The following MAST4 variants were observed in gnomAD, a reference collection of about 807,000 sequenced individuals.
MAST4 encodes the protein microtubule-associated serine/threonine-protein kinase 4.
MAST4 carries 89 observed loss-of-function variants against 162.7 expected under a neutral mutation model. The ratio of observed to expected loss-of-function variants is 0.55; its 90% confidence interval spans 0.46 to 0.65. MAST4 has a LOEUF of 0.65. Ranked by LOEUF, MAST4 falls within the 30% of genes least tolerant of loss-of-function variation. MAST4 has a pLI of 0.00. For missense variants in MAST4, 3,153 were observed against 3,374.0 expected, an observed-to-expected ratio of 0.93 and a Z score of 1.62; for synonymous variants, 1,479 against 1,361.1, an observed-to-expected ratio of 1.09 and a Z score of -1.91.
At chr5:66,963,694 T>C (rs766178557) in intron 4 of MAST4, 1 of 779,794 alleles carries the variant, frequency 1.3e-6, no homozygotes, top group Admixed American at 1.7e-5. Flanking sequence ...AATGACGTTA[T>C]TTTAACTTTC....
At chr5:66,727,280 G>A (rs574828183) in intron 1 of MAST4, among the ~76,000 whole-genome samples, 1 of 152,272 alleles carries the variant, frequency 6.6e-6, no homozygotes, top group South Asian at 2.1e-4. Flanking sequence ...CCTTATGGTA[G>A]CATACTCTGA....
Position 67,164,022 on chromosome 5 carries a change from G to C in MAST4, c.4843G>C (p.Ala1615Pro). The C allele has an allele frequency of 6.3e-7, 1 of 1,587,612 alleles. No homozygotes were observed. The change falls in exon 29 of 29, where the codon GCC becomes CCC. Residue 1615 changes from alanine to proline, a missense_variant. This residue lies in a region of MAST4 where 1,644 missense variants were observed against 1,495.0 expected (regional missense o/e 1.10). Coordinates refer to ENST00000403625, the MANE Select transcript of MAST4 (RefSeq NM_001164664.2). This position sits in a 1 kb window ranked among gnomAD's most constrained non-coding sequence, Gnocchi z 5.3. ...TCTTCACAAGCAGGCCAGCGTGCGC[G>C]CCAGCGAGGGTGCGATGTCGGATGG... ...DALHKQASVR[A>P]SEGAMSDGRV...
chr5:67,068,899 G>A (rs1256497565), intron 5 of MAST4, among the ~76,000 whole-genome samples: 1 of 151,932 alleles, frequency 6.6e-6, no homozygotes, highest in Non-Finnish European at 1.5e-5. Context: ...AGCAGGAGAC[G>A]GCACCCACCT....
At chr5:67,085,355 G>C (rs924711310) in intron 5 of MAST4, among the ~76,000 whole-genome samples, 3 of 152,076 alleles carry the variant, frequency 2.0e-5, no homozygotes, top group Non-Finnish European at 2.9e-5. Flanking sequence ...TCATCCCCCT[G>C]CTTCCACTCT....
chr5:66,794,193 A>C (rs1030789029), intron 3 of MAST4, among the ~76,000 whole-genome samples: 1 of 152,226 alleles, frequency 6.6e-6, no homozygotes, highest in Non-Finnish European at 1.5e-5. Context: ...TTATTCAGGA[A>C]TTAAGCTGTA....
At chr5:66,961,863 G>A (rs1173109216) in intron 4 of MAST4, among the ~76,000 whole-genome samples, 6 of 152,164 alleles carry the variant, frequency 3.9e-5, no homozygotes, top group Non-Finnish European at 7.3e-5. Context: ...GCATGTTTAA[G>A]AGCAGCAGCT....
chr5:66,603,479 A>G lies in MAST4; in HGVS notation c.363+6461A>G, dbSNP rs543095734. On this transcript the variant is annotated intron_variant, in intron 1 of 28. Transcript: ENST00000403625. ...TCCTAGAATAATGATTTGGGGGATG[A>G]GAAAGGAGTAGGAAGGAAATCAGGT... Among the ~76,000 whole-genome samples, 3 of 152,310 alleles carry G rather than the reference A, an allele frequency of 2.0e-5. No individual in the cohort carries two copies. In the East Asian group the frequency reaches 5.8e-4, roughly 29 times the overall value.
chr5:66,877,520 T>G (rs2149893322), intron 3 of MAST4, among the ~76,000 whole-genome samples: 1 of 152,320 alleles, frequency 6.6e-6, no homozygotes, highest in African/African-American at 2.4e-5. Context: ...GCCCCTGTTC[T>G]TAACCACTAA....
At chr5:66,789,392 CTCCAGTGTAGGA>C (rs1403996648) in intron 3 of MAST4, among the ~76,000 whole-genome samples, 1 of 152,218 alleles carries the variant, frequency 6.6e-6, no homozygotes, top group African/African-American at 2.4e-5. Flanking sequence ...AATTTTCCCT[CTCCAGTGTAGGA>C]TCCAGTCTAG....
intron 4 of MAST4, among the ~76,000 whole-genome samples, chr5:67,048,617 A>C (rs1477774124): frequency 6.6e-6 from 1 of 152,158 alleles, no homozygotes; most frequent in African/African-American, 2.4e-5. Flanking sequence ...CTTATAGGAC[A>C]GTGATAGTAA....
intron 4 of MAST4, among the ~76,000 whole-genome samples, chr5:67,002,587 T>G (rs1257795064): frequency 1.3e-5 from 2 of 152,228 alleles, no homozygotes; most frequent in Non-Finnish European, 2.9e-5. Flanking sequence ...TCCAGTCTTA[T>G]GTCTGTCAGC....
intron 5 of MAST4, among the ~76,000 whole-genome samples, chr5:67,071,046 A>G (rs1043536929): frequency 6.6e-6 from 1 of 152,212 alleles, no homozygotes; most frequent in Non-Finnish European, 1.5e-5. Context: ...ATCTGTAATA[A>G]TATGCCTTTT....
chr5:67,019,778 C>A (rs79034340), intron 4 of MAST4, among the ~76,000 whole-genome samples: 1 of 151,972 alleles, frequency 6.6e-6, no homozygotes, highest in Non-Finnish European at 1.5e-5. Flanking sequence ...AAGTTCTATC[C>A]GGGGAATTAC....
At chr5:66,623,857 G>A (rs770887664) in intron 1 of MAST4, among the ~76,000 whole-genome samples, 2 of 152,106 alleles carry the variant, frequency 1.3e-5, no homozygotes, top group Non-Finnish European at 2.9e-5. Flanking sequence ...ATATATACAT[G>A]GAAAATCCTA....
chr5:66,755,993 C>G (rs984468440), intron 1 of MAST4, among the ~76,000 whole-genome samples: 1 of 152,164 alleles, frequency 6.6e-6, no homozygotes, highest in Non-Finnish European at 1.5e-5. Flanking sequence ...TGGTGATTGG[C>G]ATTTCTATAG....
chr5:66,909,011 A>G (rs1385529460), intron 4 of MAST4, among the ~76,000 whole-genome samples: 3 of 152,202 alleles, frequency 2.0e-5, no homozygotes, highest in Admixed American at 1.3e-4. Flanking sequence ...TAAATAAAAT[A>G]TATTGGGAAT....
At chr5:66,908,318 GA>G (rs1580838293) in intron 4 of MAST4, among the ~76,000 whole-genome samples, 2 of 152,150 alleles carry the variant, frequency 1.3e-5, no homozygotes, top group East Asian at 3.8e-4. Context: ...ATTATATGAA[GA>G]CCTTAGTTTT....
intron 4 of MAST4, among the ~76,000 whole-genome samples, chr5:66,901,427 T>TCA (rs1763005327): frequency 3.1e-5 from 1 of 32,520 alleles, no homozygotes; most frequent in Admixed American, 2.6e-4. Flanking sequence ...CTTGAGTAAG[T>TCA]CAATTCTGTT....
intron 2 of MAST4, among the ~76,000 whole-genome samples, chr5:66,765,344 G>C (rs1178903866): frequency 6.6e-6 from 1 of 152,142 alleles, no homozygotes. Flanking sequence ...ATAAAATGGT[G>C]TAGTATTTGC....
Sources: gnomAD v4.1 joint callset for allele counts (sites outside exome capture counted in the v4.1 genomes callset) on GRCh38, gnomAD v4.1.1 for gene constraint, gnomAD v4.1.1 regional missense constraint, Gnocchi (gnomAD v3.1) non-coding constraint, MANE v1.5 for transcripts, NCBI Gene and HGNC (gene_info 2026-07-23, HGNC 2026-07-21) for gene names.